Variants in RREB1 observed in about 807,000 individuals in gnomAD.
RREB1 encodes the protein ras-responsive element-binding protein 1.
Under a neutral mutation model 117.8 loss-of-function variants are expected in RREB1, and 27 were observed. The observed-to-expected ratio is 0.23, with a 90% CI of 0.17 to 0.32. The LOEUF (loss-of-function observed/expected upper bound fraction) is 0.32, where lower values mean the gene tolerates loss of function less well. Among genes scored for constraint, RREB1 ranks in the 10% least tolerant of loss-of-function variants. The probability of loss-of-function intolerance (pLI) is 1.00; values close to 1 mark genes in which losing one functional copy is unlikely to be tolerated. For synonymous variants in RREB1, 1,298 were observed against 1,026.7 expected, an observed-to-expected ratio of 1.26 and a Z score of -5.05; for missense variants, 2,577 against 2,378.2, an observed-to-expected ratio of 1.08 and a Z score of -1.74.
intron 4 of RREB1, among the ~76,000 whole-genome samples, chr6:7,184,187 T>TA (rs1294975235): frequency 6.6e-6 from 1 of 151,850 alleles, no homozygotes; most frequent in East Asian, 1.9e-4. Context: ...CCATGTCCTA[T>TA]AAAAAACAAA....
In RREB1 at chr6:7,181,946, C is replaced by T; in HGVS notation, c.35C>T (p.Ser12Leu). 1 of 1,614,242 alleles carries T rather than the reference C, an allele frequency of 6.2e-7. No homozygotes were observed. The highest frequency in any genetic ancestry group is 8.5e-7 in the Non-Finnish European group (1 of 1,180,026). ...TSSSPAGLEG[S>L]DLSSINTMMS... ...AGTTCGCCCGCTGGCTTGGAAGGTT[C>T]AGACCTATCTTCCATCAACACCATG... is the stretch of plus-strand genomic sequence containing the variant. Residue 12 changes from serine (S) to leucine (L), a missense_variant, in exon 4 of 13, where the codon TCA becomes TTA. Coordinates refer to ENST00000379938, the MANE Select transcript of RREB1 (RefSeq NM_001003699.4).
intron 7 of RREB1, 99 bp downstream of exon 7, chr6:7,211,047 C>T (rs1766556727): frequency 8.4e-7 from 1 of 1,197,484 alleles, no homozygotes; most frequent in Non-Finnish European, 1.2e-6. Context: ...GGCAGACATA[C>T]ATCCTAAGCT....
chr6:7,116,412 G>A (rs11243142), intron 1 of RREB1, among the ~76,000 whole-genome samples: 3,316 of 152,166 alleles, frequency 0.022, 128 homozygotes, highest in African/African-American at 0.075. Flanking sequence ...CTTCTGTTGT[G>A]AGTAACTTTT....
chr6:7,229,464 G>T lies in RREB1; in HGVS notation c.1365G>T (p.Val455=), dbSNP rs766408577. Residue 455 remains valine (V), a synonymous_variant, in exon 10 of 13, where the codon GTG becomes GTT. Transcript: ENST00000379938. This position sits in a 1 kb window ranked among gnomAD's most constrained non-coding sequence, Gnocchi z 4.5. ...TCATCCAGCCTGACAGCAGCATTGT[G>T]GTCAAGCCCATCTCTGGCGAGTCGG... ...GFIIQPDSSI[V]VKPISGESAI... 1.2e-6 allele frequency: 2 copies of T among 1,614,060 alleles called. No individual in the cohort carries two copies. The highest frequency in any genetic ancestry group is 2.7e-5 in the African/African-American group (2 of 74,936).
In RREB1 at chr6:7,181,949, A is replaced by G. The variant is rs1764824909; in HGVS notation, c.38A>G (p.Asp13Gly). Residue 13 changes from aspartate to glycine, a missense_variant, in exon 4 of 13, where the codon GAC (aspartate) becomes GGC (glycine). Physicochemically the swap from Asp to Gly is moderately conservative, Grantham distance 94 (BLOSUM62 -1). Coordinates refer to ENST00000379938, the MANE Select transcript of RREB1 (RefSeq NM_001003699.4). The stretch of plus-strand genomic sequence containing the variant: ...TCGCCCGCTGGCTTGGAAGGTTCAG[A>G]CCTATCTTCCATCAACACCATGATG... ...SSSPAGLEGS[D>G]LSSINTMMSA... is the part of the protein sequence containing the mutation. The G allele has an allele frequency of 6.2e-7, 1 of 1,614,186 alleles. No homozygotes were observed. Among genetic ancestry groups the G allele is most frequent in the Non-Finnish European group, 8.5e-7 (1 of 1,180,032 alleles).
intron 7 of RREB1, 36 bp from the exon 8 acceptor site, chr6:7,211,537 G>A: frequency 6.2e-7 from 1 of 1,607,594 alleles, no homozygotes; most frequent in South Asian, 1.1e-5. Flanking sequence ...CCATGTGGGA[G>A]ACCTTCATGA....
At chr6:7,188,510 C>A (rs1765225171) in intron 5 of RREB1, among the ~76,000 whole-genome samples, 1 of 151,968 alleles carries the variant, frequency 6.6e-6, no homozygotes, top group Non-Finnish European at 1.5e-5. Context: ...AGCTTGGGGT[C>A]TTTTTTTGCT....
chr6:7,209,337 T>G (rs1203605665), intron 6 of RREB1, among the ~76,000 whole-genome samples: 1 of 152,224 alleles, frequency 6.6e-6, no homozygotes, highest in African/African-American at 2.4e-5. Flanking sequence ...TTCTCAACTC[T>G]TAGATGCTTT....
intron 1 of RREB1, among the ~76,000 whole-genome samples, chr6:7,169,290 C>A (rs944578620): frequency 6.6e-6 from 1 of 152,208 alleles, no homozygotes; most frequent in African/African-American, 2.4e-5. Context: ...GGAAACCCTG[C>A]CTTGCCCTGG....
intron 1 of RREB1, among the ~76,000 whole-genome samples, chr6:7,142,915 G>A (rs1209343331): frequency 6.6e-6 from 1 of 152,202 alleles, no homozygotes; most frequent in African/African-American, 2.4e-5. Flanking sequence ...CTCTCCAGGA[G>A]GTTCTGGTGG....
At position 7,231,083 on chromosome 6, in the gene RREB1, C is replaced by T; in HGVS notation, c.2984C>T (p.Pro995Leu). 1 of 1,613,446 alleles carries T rather than the reference C, an allele frequency of 6.2e-7. No homozygotes were observed. The highest frequency in any genetic ancestry group is 1.7e-5 in the Admixed American group (1 of 60,022). Residue 995 changes from proline (P) to leucine (L), a missense_variant, in exon 10 of 13, where the codon CCT (proline) becomes CTT (leucine). Physicochemically the swap from Pro to Leu is moderately conservative, Grantham distance 98. Transcript: ENST00000379938. ...PSGILESPMA[P>L]APAATPEPPA... ...GGAATCCTGGAAAGCCCCATGGCCC[C>T]TGCTCCGGCGGCCACCCCGGAACCC...
At chr6:7,156,786 C>T (rs527946123) in intron 1 of RREB1, among the ~76,000 whole-genome samples, 1 of 152,220 alleles carries the variant, frequency 6.6e-6, no homozygotes, top group Admixed American at 6.5e-5. Context: ...AGTTTTCCTT[C>T]CTTCTCCTTA....
intron 1 of RREB1, among the ~76,000 whole-genome samples, chr6:7,118,792 T>G (rs1337926126): frequency 1.5e-5 from 2 of 135,030 alleles, no homozygotes; most frequent in Non-Finnish European, 1.5e-5. Flanking sequence ...TCCCATGGTG[T>G]TTTTTTTAAT....
At chr6:7,128,302 T>A (rs1198334217) in intron 1 of RREB1, among the ~76,000 whole-genome samples, 1 of 152,188 alleles carries the variant, frequency 6.6e-6, no homozygotes, top group Non-Finnish European at 1.5e-5. Context: ...GTTCTCGCAT[T>A]TGAGATTGTG....
chr6:7,178,744 C>T (rs1025191337), intron 2 of RREB1, among the ~76,000 whole-genome samples: 2 of 151,808 alleles, frequency 1.3e-5, no homozygotes, highest in South Asian at 2.1e-4. Flanking sequence ...AGATGAGTCT[C>T]TATTTTTTTT....
chr6:7,239,352 A>G (rs933428379), intron 10 of RREB1, among the ~76,000 whole-genome samples: 1 of 152,164 alleles, frequency 6.6e-6, no homozygotes, highest in Non-Finnish European at 1.5e-5. Flanking sequence ...AGTGATACAC[A>G]AGTGATGCAC....
intron 1 of RREB1, among the ~76,000 whole-genome samples, chr6:7,168,474 G>T (rs568472589): frequency 1.3e-5 from 2 of 152,186 alleles, no homozygotes; most frequent in East Asian, 3.9e-4. Context: ...TTTTTTGTTT[G>T]CTTTTTAATT....
rs532221792 is a variant in RREB1 at position 7,165,831 on chromosome 6, C to T, written c.-284-10824C>T. Among the ~76,000 whole-genome samples, 44 of 152,170 alleles carry T rather than the reference C, an allele frequency of 2.9e-4. 1 individual carries two copies. The South Asian group carries it at 7.3e-3, about 25-fold the overall frequency. On this transcript the variant is annotated intron_variant, in intron 1 of 12. Transcript: ENST00000379938. ...GACTGTCCTGCTGGTGTCTATCTCC[C>T]CTTTTCAGTTTTCCTTCCTGTTCTT...
Position 7,210,937 on chromosome 6 carries a change from C to T in RREB1, c.559C>T (p.Pro187Ser), listed in dbSNP as rs114656149. Residue 187 changes from proline (P) to serine (S), a missense_variant, in exon 7 of 13, where the codon CCA becomes TCA. By Grantham distance (74) the Pro-to-Ser change is moderately conservative. Coordinates refer to ENST00000379938, the MANE Select transcript of RREB1 (RefSeq NM_001003699.4). ...CGAGTCAGAGAGAGAAGACCCAGCACCAGCTAAAAAGGTCCTCTTGGCTCC... is the reference window on the plus strand; with the variant it reads ...CGAGTCAGAGAGAGAAGACCCAGCATCAGCTAAAAAGGTCCTCTTGGCTCC... ...DAESEREDPAPAKKMVEDGQS... is the reference protein window; with the variant it reads ...DAESEREDPASAKKMVEDGQS... The T allele has an allele frequency of 6.2e-7, 1 of 1,613,690 alleles. No homozygotes were observed. Among genetic ancestry groups the T allele is most frequent in the East Asian group, 2.2e-5 (1 of 44,884 alleles).
Sources: allele counts gnomAD v4.1 joint callset (sites outside exome capture counted in the v4.1 genomes callset), GRCh38; gene constraint gnomAD v4.1.1; non-coding constraint Gnocchi (gnomAD v3.1); transcripts MANE v1.5; gene names NCBI Gene and HGNC (gene_info 2026-07-23, HGNC 2026-07-21).